The following RBFOX1 variants were observed in gnomAD, a reference collection of about 807,000 sequenced individuals.
The protein encoded by RBFOX1 is RNA binding protein fox-1 homolog 1.
A neutral mutation model predicts 57.7 loss-of-function variants in RBFOX1; 8 were observed. The observed-to-expected ratio is 0.14, with a 90% CI of 0.08 to 0.25. The LOEUF (loss-of-function observed/expected upper bound fraction) is 0.25, where lower values mean the gene tolerates loss of function less well. Among genes scored for constraint, RBFOX1 ranks in the 10% least tolerant of loss-of-function variants. The pLI, the probability that RBFOX1 is intolerant of heterozygous loss-of-function variation, is 1.00. For missense variants in RBFOX1, 611 were observed against 548.5 expected, an observed-to-expected ratio of 1.11 and a Z score of -1.14; for synonymous variants, 326 against 222.4, an observed-to-expected ratio of 1.47 and a Z score of -4.15.
chr16:6,491,446 C>G (rs984690001), intron 2 of RBFOX1, among the ~76,000 whole-genome samples: 1 of 152,118 alleles, frequency 6.6e-6, no homozygotes, highest in African/African-American at 2.4e-5. Context: ...TCTTAGGAAT[C>G]TAAACATATA....
chr16:5,923,816 C>G (rs1386236733), intron 4 of RBFOX1, among the ~76,000 whole-genome samples: 1 of 152,120 alleles, frequency 6.6e-6, no homozygotes, highest in Non-Finnish European at 1.5e-5. Flanking sequence ...GCTGGGATTA[C>G]AGGTGTGAGC....
At chr16:6,509,756 T>C (rs540469571) in intron 2 of RBFOX1, among the ~76,000 whole-genome samples, 2 of 152,292 alleles carry the variant, frequency 1.3e-5, no homozygotes, top group African/African-American at 4.8e-5. Flanking sequence ...CCTGATGTGA[T>C]TATTAAGCAT....
intron 3 of RBFOX1, among the ~76,000 whole-genome samples, chr16:5,696,756 T>C (rs757482298): frequency 6.6e-6 from 1 of 152,234 alleles, no homozygotes; most frequent in African/African-American, 2.4e-5. Flanking sequence ...GAATACAGTA[T>C]GTCTTACCAT....
chr16:7,448,928 T>TTTTTG (rs386384141), intron 4 of RBFOX1, among the ~76,000 whole-genome samples: 3 of 7,638 alleles, frequency 3.9e-4, no homozygotes, highest in Non-Finnish European at 7.7e-4. Context: ...CTTTCCCCTG[T>TTTTTG]TTTTTTTTTT....
At chr16:6,621,553 C>A (rs1011404034) in intron 2 of RBFOX1, among the ~76,000 whole-genome samples, 1 of 152,226 alleles carries the variant, frequency 6.6e-6, no homozygotes, top group African/African-American at 2.4e-5. Flanking sequence ...GGCTTAATTA[C>A]ATCGGCAAAG....
At chr16:6,660,857 A>G (rs1214219844) in intron 3 of RBFOX1, among the ~76,000 whole-genome samples, 1 of 152,164 alleles carries the variant, frequency 6.6e-6, no homozygotes, top group Non-Finnish European at 1.5e-5. Context: ...GTGTTAGGGG[A>G]TCTCAGGGGA....
chr16:6,841,560 G>A (rs1170088508), intron 3 of RBFOX1, among the ~76,000 whole-genome samples: 1 of 152,116 alleles, frequency 6.6e-6, no homozygotes, highest in Non-Finnish European at 1.5e-5. Flanking sequence ...ATTACCACAG[G>A]CCCTTTCTCC....
chr16:7,330,518 G>GTGTT lies in RBFOX1; in HGVS notation c.28-187626_28-187625insTTGT, dbSNP rs1555721932. 3.0e-3 allele frequency among the ~76,000 whole-genome samples: 394 copies of GTGTT among 133,392 alleles called. 3 individuals are homozygous for GTGTT. Among genetic ancestry groups the GTGTT allele is most frequent in the African/African-American group, 7.7e-3 (255 of 33,122 alleles). The allele number at this position is 133,392 out of a possible 152,430, so 87.5% of individuals were successfully genotyped here. A position where few individuals can be genotyped will look rare whatever the true frequency, so the allele number is the denominator to read the frequency against. On this transcript the variant is annotated intron_variant, in intron 4 of 15. Transcript: ENST00000550418. ...TGTGTGTGTGTGTGTGTTTGTGTGT[G>GTGTT]TGTGTGTAGAGAGAGAGAGAGAGAG...
chr16:6,929,956 G>A (rs531407471), intron 3 of RBFOX1, among the ~76,000 whole-genome samples: 1 of 152,282 alleles, frequency 6.6e-6, no homozygotes, highest in South Asian at 2.1e-4. Flanking sequence ...TAGTTCGTCA[G>A]GAATCAGAAT....
At chr16:5,511,139 T>C (rs944362518) in intron 2 of RBFOX1, among the ~76,000 whole-genome samples, 1 of 152,206 alleles carries the variant, frequency 6.6e-6, no homozygotes, top group Non-Finnish European at 1.5e-5. Context: ...TACAAAGAAC[T>C]CAGCCTAAGC....
rs139416469 is a variant in RBFOX1 at position 6,076,114 on chromosome 16, C to A, written c.-127+56122C>A. 6.3e-3 allele frequency among the ~76,000 whole-genome samples: 957 copies of A among 152,198 alleles called. 28 individuals are homozygous for A. The highest frequency in any genetic ancestry group is 0.039 in the Admixed American group (590 of 15,270). ...GGGGGTTCAAAACCAGCCTGACCAA[C>A]ATGGAGAAATCCCATCTCTAATAAA... On this transcript the variant is annotated intron_variant, in intron 1 of 15. Transcript: ENST00000550418.
chr16:6,089,944 T>C (rs1413367702), intron 1 of RBFOX1: 2 of 152,218 alleles, frequency 1.3e-5, no homozygotes, highest in East Asian at 1.9e-4. Flanking sequence ...AATATGGATT[T>C]AGTATCTTAC....
At chr16:6,285,964 G>A (rs1171826483) in intron 1 of RBFOX1, among the ~76,000 whole-genome samples, 2 of 152,138 alleles carry the variant, frequency 1.3e-5, no homozygotes, top group South Asian at 2.1e-4. Flanking sequence ...CACAGTCGGC[G>A]GAGCGTTATT....
At chr16:6,749,952 T>C (rs1392965300) in intron 3 of RBFOX1, among the ~76,000 whole-genome samples, 1 of 152,190 alleles carries the variant, frequency 6.6e-6, no homozygotes, top group Non-Finnish European at 1.5e-5. Flanking sequence ...TCAGAGTTAG[T>C]AGGCACACAA....
At chr16:7,095,568 C>G (rs1341630714) in intron 4 of RBFOX1, among the ~76,000 whole-genome samples, 2 of 152,134 alleles carry the variant, frequency 1.3e-5, no homozygotes, top group Admixed American at 6.5e-5. Context: ...ACATTGTGAG[C>G]CCTTTCACAC....
chr16:6,713,208 T>C (rs1014135498), intron 3 of RBFOX1, among the ~76,000 whole-genome samples: 2 of 152,134 alleles, frequency 1.3e-5, no homozygotes, highest in African/African-American at 4.8e-5. Context: ...ATCTTCTGCC[T>C]AGAGCCAGGA....
chr16:5,622,465 C>T (rs1030688069), intron 3 of RBFOX1, among the ~76,000 whole-genome samples: 1 of 152,170 alleles, frequency 6.6e-6, no homozygotes, highest in African/African-American at 2.4e-5. Flanking sequence ...ATAAACAAAT[C>T]CATTGAATTA....
At chr16:6,676,694 A>G (rs1439812784) in intron 3 of RBFOX1, among the ~76,000 whole-genome samples, 4 of 38,604 alleles carry the variant, frequency 1.0e-4, no homozygotes, top group Non-Finnish European at 2.0e-4. Context: ...TTTTTTTTTG[A>G]GACAAAGTCT....
chr16:6,896,958 C>T (rs8046309), intron 3 of RBFOX1, among the ~76,000 whole-genome samples: 1 of 152,262 alleles, frequency 6.6e-6, no homozygotes, highest in East Asian at 1.9e-4. Flanking sequence ...ACTCAGAATG[C>T]AGCTGACAGG....
Sources: allele counts gnomAD v4.1 joint callset (sites outside exome capture counted in the v4.1 genomes callset), GRCh38; gene constraint gnomAD v4.1.1; transcripts MANE v1.5; gene names NCBI Gene and HGNC (gene_info 2026-07-23, HGNC 2026-07-21).